Variants in MCTP1 observed in about 807,000 individuals in gnomAD.
MCTP1 encodes the protein multiple C2 and transmembrane domain-containing protein 1.
A neutral mutation model predicts 120.6 loss-of-function variants in MCTP1; 69 were observed. The ratio of observed to expected loss-of-function variants is 0.57; its 90% CI spans 0.47 to 0.70. The LOEUF (loss-of-function observed/expected upper bound fraction) is 0.70. Ranked by LOEUF, MCTP1 falls within the 30% of genes least tolerant of loss-of-function variation. The pLI is 0.00. For synonymous variants in MCTP1, 529 were observed against 493.1 expected, an observed-to-expected ratio of 1.07 and a Z score of -0.96; for missense variants, 1,203 against 1,248.8, an observed-to-expected ratio of 0.96 and a Z score of 0.55.
chr5:95,213,951 T>C (rs1471055707), intron 1 of MCTP1, among the ~76,000 whole-genome samples: 49 of 152,048 alleles, frequency 3.2e-4, no homozygotes, highest in Non-Finnish European at 5.9e-4. Flanking sequence ...GACATAGGCA[T>C]GGGCAAGGAC....
In MCTP1 at chr5:95,015,954, T is replaced by C. The variant is rs567202061; in HGVS notation, c.838+1413A>G. Among the ~76,000 whole-genome samples, 5 of 152,230 alleles carry C rather than the reference T, an allele frequency of 3.3e-5. No individual in the cohort carries two copies. The East Asian group carries it at 5.8e-4, about 18-fold the overall frequency. The stretch of plus-strand genomic sequence containing the variant: ...ATTGAATGATATAACTGAGAGTACT[T>C]TGAAAACTAAAAAAAGTTGTATACG... On this transcript the variant is annotated intron_variant, in intron 2 of 22. Transcript: ENST00000515393.
chr5:94,977,796 A>G (rs775172890), intron 2 of MCTP1, among the ~76,000 whole-genome samples: 19 of 152,188 alleles, frequency 1.2e-4, no homozygotes, highest in Admixed American at 7.9e-4. Context: ...TACCCCATAT[A>G]CATAAATCAA....
intron 10 of MCTP1, among the ~76,000 whole-genome samples, chr5:94,900,882 G>T (rs909816313): frequency 6.6e-6 from 1 of 152,144 alleles, no homozygotes; most frequent in Non-Finnish European, 1.5e-5. Context: ...CAGGAATCAT[G>T]GATGAAAAAG....
At chr5:94,980,676 T>C (rs1476113481) in intron 2 of MCTP1, 4 of 152,074 alleles carry the variant, frequency 2.6e-5, no homozygotes, top group African/African-American at 9.7e-5. Context: ...CCTAAAGACA[T>C]TGTCACTGGC....
chr5:94,711,324 T>G lies in MCTP1; in HGVS notation c.2721-397A>C, dbSNP rs540319076. Among the ~76,000 whole-genome samples, 7 of 152,246 alleles carry G rather than the reference T, an allele frequency of 4.6e-5. No homozygotes were observed. The South Asian group carries it at 8.3e-4, about 18-fold the overall frequency. On this transcript the variant is annotated intron_variant, in intron 20 of 22. Transcript: ENST00000515393. ...ACCCACCATTCTTCCTTCTATCAAC[T>G]CTCAGTATTCCCCATATTGGGAATA...
At chr5:95,071,809 G>T (rs1057103348) in intron 1 of MCTP1, among the ~76,000 whole-genome samples, 1 of 152,146 alleles carries the variant, frequency 6.6e-6, no homozygotes, top group Non-Finnish European at 1.5e-5. Context: ...TCACATGAAT[G>T]AGATTGTCTT....
intron 17 of MCTP1, among the ~76,000 whole-genome samples, chr5:94,811,737 C>G (rs1162678624): frequency 5.3e-5 from 8 of 152,126 alleles, no homozygotes; most frequent in Non-Finnish European, 1.5e-5. Flanking sequence ...TCTTGTCAAA[C>G]TGTTAGAAAT....
chr5:95,188,724 G>A (rs183783393), intron 1 of MCTP1, among the ~76,000 whole-genome samples: 5 of 152,286 alleles, frequency 3.3e-5, no homozygotes, highest in Non-Finnish European at 7.4e-5. Flanking sequence ...CAATGCGGGA[G>A]ATCTTTGTGG....
chr5:95,020,298 G>T (rs1198834858), intron 1 of MCTP1, among the ~76,000 whole-genome samples: 4 of 151,964 alleles, frequency 2.6e-5, no homozygotes, highest in Non-Finnish European at 5.9e-5. Context: ...TTATGTGCAG[G>T]TTAAGGAATT....
chr5:94,776,757 A>G (rs573409254), intron 19 of MCTP1, among the ~76,000 whole-genome samples: 1 of 152,302 alleles, frequency 6.6e-6, no homozygotes, highest in East Asian at 1.9e-4. Flanking sequence ...ATGACTGTGT[A>G]CACAAACTTT....
At chr5:94,795,273 G>A (rs569060501) in intron 18 of MCTP1, among the ~76,000 whole-genome samples, 9 of 152,034 alleles carry the variant, frequency 5.9e-5, no homozygotes, top group Non-Finnish European at 1.0e-4. Flanking sequence ...TGGGGATGGC[G>A]GCAGGTCACT....
At chr5:95,205,447 T>C (rs1036574133) in intron 1 of MCTP1, among the ~76,000 whole-genome samples, 3 of 152,088 alleles carry the variant, frequency 2.0e-5, no homozygotes, top group Non-Finnish European at 2.9e-5. Flanking sequence ...CAATGGTGTC[T>C]GACACAAAAA....
At chr5:95,176,039 A>G (rs1342640780) in intron 1 of MCTP1, among the ~76,000 whole-genome samples, 2 of 152,148 alleles carry the variant, frequency 1.3e-5, no homozygotes, top group Non-Finnish European at 2.9e-5. Flanking sequence ...CTGAGTCTGC[A>G]TTTCTTCCCT....
chr5:94,841,330 G>C (rs1790995876), intron 17 of MCTP1, among the ~76,000 whole-genome samples: 1 of 152,194 alleles, frequency 6.6e-6, no homozygotes, highest in East Asian at 1.9e-4. Context: ...CAATCATGAA[G>C]ATTGGCATTT....
chr5:94,899,404 G>T (rs1804914328), intron 10 of MCTP1, among the ~76,000 whole-genome samples: 1 of 152,148 alleles, frequency 6.6e-6, no homozygotes, highest in Non-Finnish European at 1.5e-5. Flanking sequence ...GTCCTCATGG[G>T]TCTCCCACCT....
chr5:95,036,874 T>C (rs1351754196), intron 1 of MCTP1, among the ~76,000 whole-genome samples: 1 of 151,954 alleles, frequency 6.6e-6, no homozygotes, highest in Non-Finnish European at 1.5e-5. Context: ...CCTTCCCATA[T>C]TCAAGGTTAC....
chr5:94,773,225 T>G (rs1159230257), intron 19 of MCTP1, among the ~76,000 whole-genome samples: 3 of 152,134 alleles, frequency 2.0e-5, no homozygotes, highest in Non-Finnish European at 2.9e-5. Context: ...GAATAGATAA[T>G]AAGCAAATGG....
rs1346536903 is a variant in MCTP1 at position 94,953,845 on chromosome 5, AC to A, written c.839-485del. Among the ~76,000 whole-genome samples the A allele has an allele frequency of 0.016, 130 of 8,010 alleles. 26 individuals carry two copies. The African/African-American group carries it at 0.17, about 10-fold the overall frequency. 5.3% of individuals were successfully genotyped at this position (8,010 alleles called of 152,430 possible). A position where few individuals can be genotyped will look rare whatever the true frequency, so the allele number is the denominator to read the frequency against. ...TATATATATACATATATATATATAC[AC>A]AACTATATATATGCATATATATACA... is the stretch of plus-strand genomic sequence containing the variant. On this transcript the variant is annotated intron_variant, in intron 2 of 22. Coordinates refer to ENST00000515393, the MANE Select transcript of MCTP1 (RefSeq NM_024717.7).
chr5:94,986,241 T>A (rs1347043711), intron 2 of MCTP1, among the ~76,000 whole-genome samples: 2 of 152,198 alleles, frequency 1.3e-5, no homozygotes, highest in African/African-American at 4.8e-5. Flanking sequence ...GTAACTATCA[T>A]TGTTATTACG....
Sources: gnomAD v4.1 joint callset for allele counts (sites outside exome capture counted in the v4.1 genomes callset) on GRCh38, gnomAD v4.1.1 for gene constraint, MANE v1.5 for transcripts, NCBI Gene and HGNC (gene_info 2026-07-23, HGNC 2026-07-21) for gene names.